The following SLC24A4 variants were observed in gnomAD, a reference collection of about 807,000 sequenced individuals.
SLC24A4 encodes solute carrier family 24 member 4.
In SLC24A4, 53 loss-of-function variants were observed where a neutral mutation model predicts 79.0. The observed-to-expected ratio is 0.67, with a 90% confidence interval of 0.54 to 0.84. SLC24A4 has a LOEUF of 0.84. Ranked by LOEUF, SLC24A4 falls within the 40% of genes least tolerant of loss-of-function variation. The probability of loss-of-function intolerance (pLI) is 0.00; values close to 1 mark genes in which losing one functional copy is unlikely to be tolerated. For synonymous variants in SLC24A4, 323 were observed against 323.8 expected (o/e 1.00, Z 0.03); for missense variants, 731 against 822.0 (o/e 0.89, Z 1.35).
chr14:92,382,834 C>T (rs1184908655), intron 2 of SLC24A4, among the ~76,000 whole-genome samples: 4 of 152,208 alleles, frequency 2.6e-5, no homozygotes, highest in Non-Finnish European at 4.4e-5. Context: ...CAGGTGCTGC[C>T]CTGGGCACCC....
chr14:92,351,543 G>A (rs913671128), intron 2 of SLC24A4, among the ~76,000 whole-genome samples: 2 of 152,314 alleles, frequency 1.3e-5, no homozygotes, highest in African/African-American at 2.4e-5. Context: ...CTATTCTTAA[G>A]TGTTTCTTCT....
At chr14:92,426,490 T>C (rs756020386) in intron 2 of SLC24A4, among the ~76,000 whole-genome samples, 3 of 152,222 alleles carry the variant, frequency 2.0e-5, no homozygotes, top group Non-Finnish European at 2.9e-5. Flanking sequence ...AGAAATTCTA[T>C]AGTGGTTGCT....
chr14:92,359,046 C>T (rs139833014), intron 2 of SLC24A4, among the ~76,000 whole-genome samples: 18 of 152,240 alleles, frequency 1.2e-4, no homozygotes, highest in East Asian at 1.2e-3. Context: ...TCATTTCTAA[C>T]GGATTCTAGG....
intron 2 of SLC24A4, among the ~76,000 whole-genome samples, chr14:92,388,632 G>A (rs1045133926): frequency 2.4e-4 from 37 of 152,352 alleles, no homozygotes; most frequent in African/African-American, 7.2e-4. Context: ...GCAGGAGGCC[G>A]TGCCTCCTGT....
intron 12 of SLC24A4, among the ~76,000 whole-genome samples, chr14:92,478,373 T>C (rs1248941519): frequency 6.6e-6 from 1 of 152,232 alleles, no homozygotes; most frequent in Non-Finnish European, 1.5e-5. Flanking sequence ...TCCAGCTGTC[T>C]CTGCACCATT....
chr14:92,403,627 T>G (rs1298771405), intron 2 of SLC24A4, among the ~76,000 whole-genome samples: 1 of 149,334 alleles, frequency 6.7e-6, no homozygotes, highest in Non-Finnish European at 1.5e-5. Flanking sequence ...AAAAAAGCTC[T>G]GAGAGGACTG....
rs1202727503 is a variant in SLC24A4 at position 92,442,000 on chromosome 14, C to G, written c.394-89C>G. 9.6e-7 allele frequency: 1 copy of G among 1,036,692 alleles called. No homozygotes were observed. The highest frequency in any genetic ancestry group is 1.5e-6 in the Non-Finnish European group (1 of 674,870). The allele number at this position is 1,036,692 out of a possible 1,614,324, so 64.2% of individuals were successfully genotyped here. A position where few individuals can be genotyped will look rare whatever the true frequency, so the allele number is the denominator to read the frequency against. ...GTTTGCCTCTGGCTGCAGCACTGCT[C>G]TCCTGCATGCTCCTTGGCTGTAGAG... On this transcript the variant is annotated intron_variant, in intron 4 of 16. Transcript: ENST00000532405. The surrounding 1 kb of genome is among the most constrained non-coding windows in gnomAD (Gnocchi z 4.6).
intron 2 of SLC24A4, among the ~76,000 whole-genome samples, chr14:92,396,922 C>T (rs910974126): frequency 2.0e-5 from 3 of 150,764 alleles, no homozygotes; most frequent in Admixed American, 1.3e-4. Context: ...CACTTCTATA[C>T]TGGACACAGT....
chr14:92,441,736 G>A lies in SLC24A4; in HGVS notation c.394-353G>A, dbSNP rs889600982. 2.6e-5 allele frequency among the ~76,000 whole-genome samples: 4 copies of A among 152,368 alleles called. No individual in the cohort carries two copies. The highest frequency in any genetic ancestry group is 1.9e-4 in the East Asian group (1 of 5,188). On this transcript the variant is annotated intron_variant, in intron 4 of 16. Coordinates refer to ENST00000532405, the MANE Select transcript of SLC24A4 (RefSeq NM_153646.4). The surrounding 1 kb of genome is among the most constrained non-coding windows in gnomAD (Gnocchi z 4.6). ...CCACAAACCCTCATGTGAAATTCAC[G>A]TTTCAGTAACAGCAGATAAAACACA...
intron 5 of SLC24A4, among the ~76,000 whole-genome samples, 169 bp from the exon 6 acceptor site, chr14:92,442,544 G>A (rs1892556388): frequency 6.6e-6 from 1 of 152,160 alleles, no homozygotes; most frequent in Admixed American, 6.5e-5. Context: ...GGTCCCTGGT[G>A]GCATTTCCAC....
chr14:92,367,899 G>C (rs1273701972), intron 2 of SLC24A4, among the ~76,000 whole-genome samples: 1 of 152,232 alleles, frequency 6.6e-6, no homozygotes, highest in African/African-American at 2.4e-5. Context: ...GAGCATTCAA[G>C]AGAGGCAACG....
At chr14:92,443,274 T>A in intron 6 of SLC24A4, 126 bp from the exon 7 acceptor site, 1 of 817,636 alleles carries the variant, frequency 1.2e-6, no homozygotes, top group Non-Finnish European at 2.1e-6. Flanking sequence ...AGAACAAGCG[T>A]GGCCTGGAGT....
chr14:92,380,618 G>C (rs1888789887), intron 2 of SLC24A4, among the ~76,000 whole-genome samples: 2 of 152,254 alleles, frequency 1.3e-5, no homozygotes, highest in South Asian at 4.1e-4. Flanking sequence ...GCCTTCATGG[G>C]ACCCTGCTTT....
chr14:92,477,967 C>T (rs568994487), intron 12 of SLC24A4, among the ~76,000 whole-genome samples: 6 of 151,702 alleles, frequency 4.0e-5, no homozygotes, highest in East Asian at 1.9e-4. Flanking sequence ...CCACCACACC[C>T]GGCTAATTTT....
Position 92,323,641 on chromosome 14 carries a change from C to G in SLC24A4, c.-190C>G. 2 of 578,784 alleles carry G rather than the reference C, an allele frequency of 3.5e-6. No homozygotes were observed. The highest frequency in any genetic ancestry group is 2.7e-6 in the Non-Finnish European group (1 of 364,164). 35.9% of individuals were successfully genotyped at this position (578,784 alleles called of 1,614,324 possible). On this transcript the variant is annotated 5_prime_UTR_variant, in exon 1 of 17. Coordinates refer to ENST00000532405, the MANE Select transcript of SLC24A4 (RefSeq NM_153646.4). This position sits in a 1 kb window ranked among gnomAD's most constrained non-coding sequence, Gnocchi z 4.9. ...GCGGGACTCTGAGCTCCGGCCGCGTCGCGCGTCCCCACCTTCCCAAGGGGC... is the reference window on the plus strand; with the variant it reads ...GCGGGACTCTGAGCTCCGGCCGCGTGGCGCGTCCCCACCTTCCCAAGGGGC...
At chr14:92,378,258 C>T (rs61975599) in intron 2 of SLC24A4, among the ~76,000 whole-genome samples, 10,169 of 152,168 alleles carry the variant, frequency 0.067, 466 homozygotes, top group Non-Finnish European at 0.093. Flanking sequence ...CATCCTTGTC[C>T]GTGCCTTCTG....
At chr14:92,484,714 A>G (rs943667) in intron 13 of SLC24A4, 964,466 of 985,298 alleles carry the variant, frequency 0.98, 473,465 homozygotes, top group Non-Finnish European at 0.99. Context: ...AGTCCCCCAG[A>G]ACCTCATTCA....
chr14:92,470,950 A>G (rs560426011), intron 12 of SLC24A4, among the ~76,000 whole-genome samples: 1 of 152,306 alleles, frequency 6.6e-6, no homozygotes, highest in African/African-American at 2.4e-5. Context: ...TCCATCTCTC[A>G]GCATTGCTTT....
chr14:92,440,258 A>G (rs1892415167), intron 4 of SLC24A4, among the ~76,000 whole-genome samples: 1 of 151,928 alleles, frequency 6.6e-6, no homozygotes. Context: ...CCCTTACCCC[A>G]CATCCCCTCA....
Sources: gnomAD v4.1 joint callset for allele counts (sites outside exome capture counted in the v4.1 genomes callset) on GRCh38, gnomAD v4.1.1 for gene constraint, Gnocchi (gnomAD v3.1) non-coding constraint, MANE v1.5 for transcripts, NCBI Gene and HGNC (gene_info 2026-07-23, HGNC 2026-07-21) for gene names.